Variants in ARL4C observed in about 807,000 individuals in gnomAD.
The protein encoded by ARL4C is ARF like GTPase 4C.
Under a neutral mutation model 12.8 loss-of-function variants are expected in ARL4C, and 5 were observed. The ratio of observed to expected loss-of-function variants is 0.39; its 90% CI spans 0.20 to 0.82. The LOEUF is 0.82. Ranked by LOEUF, ARL4C falls within the 40% of genes least tolerant of loss-of-function variation. The probability of loss-of-function intolerance (pLI) is 0.39; values close to 1 mark genes in which losing one functional copy is unlikely to be tolerated. For synonymous variants in ARL4C, 119 were observed against 119.4 expected, an observed-to-expected ratio of 1.00 and a Z score of 0.02; for missense variants, 148 against 265.2, an observed-to-expected ratio of 0.56 and a Z score of 3.07.
chr2:234,495,920 TCATCCATCCATC>T (rs987125872), intron 1 of ARL4C, 80 bp downstream of exon 1: 3 of 1,607,216 alleles, frequency 1.9e-6, no homozygotes, highest in Non-Finnish European at 2.5e-6. Flanking sequence ...GGGTTCTCGC[TCATCCATCCATC>T]CATCCATCCA....
rs375987721 is a variant in ARL4C at position 234,496,143 on chromosome 2, C to T, written c.444G>A (p.Glu148=). 47 of 1,613,634 alleles carry T rather than the reference C, an allele frequency of 2.9e-5. No homozygotes were observed. The highest frequency in any genetic ancestry group is 1.6e-4 in the Middle Eastern group (1 of 6,084). Reference sequence around the variant, plus strand: ...CGTGATAGGTGGTGGCCGGGATAAGCTCGTGCAGCGCCAGCTGCTTCTCAA... The same window carrying T: ...CGTGATAGGTGGTGGCCGGGATAAGTTCGTGCAGCGCCAGCTGCTTCTCAA... ...AEIEKQLALH[E]LIPATTYHVQ... The change falls in exon 1 of 2, where the codon GAG becomes GAA. Residue 148 remains glutamate, a synonymous_variant. Coordinates refer to ENST00000339728, the MANE Select transcript of ARL4C (RefSeq NM_001282431.2).
intron 1 of ARL4C, 38 bp downstream of exon 1, chr2:234,495,974 C>T (rs1162917576): frequency 6.2e-7 from 1 of 1,608,936 alleles, no homozygotes; most frequent in Non-Finnish European, 8.5e-7. Context: ...TCTTTCTTGA[C>T]GCACTCGCTC....
chr2:234,495,306 C>T lies in ARL4C; in HGVS notation c.*500G>A. The T allele has an allele frequency of 5.8e-6, 1 of 172,346 alleles. No individual in the cohort carries two copies. The highest frequency in any genetic ancestry group is 1.3e-5 in the Non-Finnish European group (1 of 79,442). The allele number at this position is 172,346 out of a possible 1,614,324, so 10.7% of individuals were successfully genotyped here. A position where few individuals can be genotyped will look rare whatever the true frequency, so the allele number is the denominator to read the frequency against. ...CCACAAAGCACCAGGAAAAGGGCAC[C>T]TCCGCGGCCATCCCCAGCCAGGCCA... On this transcript the variant is annotated 3_prime_UTR_variant, in exon 2 of 2. Coordinates refer to ENST00000339728, the MANE Select transcript of ARL4C (RefSeq NM_001282431.2).
At chr2:234,495,907 C>T in intron 1 of ARL4C, 71 bp from the exon 2 acceptor site, 6 of 1,604,964 alleles carry the variant, frequency 3.7e-6, no homozygotes, top group Non-Finnish European at 5.1e-6. Flanking sequence ...TGTTCGCGGG[C>T]GCGGGTTCTC....
chr2:234,496,559 C>A lies in ARL4C; in HGVS notation c.28G>T (p.Ala10Ser). Residue 10 changes from alanine to serine, a missense_variant, in exon 1 of 2, where the codon GCC becomes TCC. Ala to Ser is a moderately conservative substitution (Grantham distance 99, BLOSUM62 1). Transcript: ENST00000339728. ...ATGACGATATGCAGGGACTGGAAGG[C>A]CGAGATGTTAGAGGAGATGTTGCCC... MGNISSNIS[A>S]FQSLHIVMLG... 6.3e-7 allele frequency: 1 copy of A among 1,597,610 alleles called. No homozygotes were observed. The highest frequency in any genetic ancestry group is 8.5e-7 in the Non-Finnish European group (1 of 1,172,542).
chr2:234,495,851 A>G lies in ARL4C; in HGVS notation c.576-15T>C. 6.3e-7 allele frequency: 1 copy of G among 1,599,150 alleles called. No homozygotes were observed. Among genetic ancestry groups the G allele is most frequent in the Non-Finnish European group, 8.5e-7 (1 of 1,179,820 alleles). ...AGTCACCAGTCCTGCATTTGGGTGC[A>G]GAGATTCCGTTTTAAAAATTCGAAG... is the stretch of plus-strand genomic sequence containing the variant. On this transcript the variant is annotated splice_polypyrimidine_tract_variant and intron_variant, in intron 1 of 1. Transcript: ENST00000339728.
Position 234,495,606 on chromosome 2 carries a change from T to C in ARL4C, c.*200A>G. On this transcript the variant is annotated 3_prime_UTR_variant, in exon 2 of 2. Transcript: ENST00000339728. ...CCAGTGGAGGCGGGGCAGCCTGAAC[T>C]TCTGGCCCTGCAGGAGTGGGAAGAA... The C allele has an allele frequency of 1.5e-6, 1 of 665,500 alleles. No individual in the cohort carries two copies. The highest frequency in any genetic ancestry group is 2.6e-6 in the Non-Finnish European group (1 of 387,716). 41.2% of individuals were successfully genotyped at this position (665,500 alleles called of 1,614,324 possible).
rs560638703 is a variant in ARL4C at position 234,493,619 on chromosome 2, C to T, written c.*2187G>A. Reference sequence around the variant, plus strand: ...CAGGGTTTGAACAGTGATCTTGAACCTAAGTATTGTTATCATGAGAAGGTT... The same window carrying T: ...CAGGGTTTGAACAGTGATCTTGAACTTAAGTATTGTTATCATGAGAAGGTT... On this transcript the variant is annotated 3_prime_UTR_variant, in exon 2 of 2. Coordinates refer to ENST00000339728, the MANE Select transcript of ARL4C (RefSeq NM_001282431.2). The T allele has an allele frequency of 7.2e-5, 11 of 152,704 alleles. No individual in the cohort carries two copies. The East Asian group carries it at 2.1e-3, about 29-fold the overall frequency. The allele number at this position is 152,704 out of a possible 1,614,324, so 9.5% of individuals were successfully genotyped here.
At position 234,495,800 on chromosome 2, in the gene ARL4C, G is replaced by A. The variant is rs1023626495; in HGVS notation, c.*6C>T. On this transcript the variant is annotated 3_prime_UTR_variant, in exon 2 of 2. Transcript: ENST00000339728. ...GTGGGGGGCAGGTCGAGAGTAGGCC[G>A]GTAAATCAGACTTCGCAGCTCCTTA... 3 of 1,598,448 alleles carry A rather than the reference G, an allele frequency of 1.9e-6. No homozygotes were observed. Among genetic ancestry groups the A allele is most frequent in the Non-Finnish European group, 2.5e-6 (3 of 1,179,804 alleles).
In ARL4C at chr2:234,496,100, T is replaced by C; in HGVS notation, c.487A>G (p.Ile163Val). The C allele has an allele frequency of 6.2e-7, 1 of 1,613,804 alleles. No homozygotes were observed. The highest frequency in any genetic ancestry group is 1.3e-5 in the African/African-American group (1 of 75,046). The change falls in exon 1 of 2, where the codon ATC becomes GTC. Residue 163 changes from isoleucine (I) to valine (V), a missense_variant. By Grantham distance (29) the Ile-to-Val change is conservative (BLOSUM62 3). Around this residue, in one of 4 missense-constraint regions of ARL4C, gnomAD observed 42 missense variants for 87.4 expected, o/e 0.48. Transcript: ENST00000339728. ...CCCTCGGTGAGGCCCTCGCCGATGA[T>C]GGCGCACGCCGGCTGGACGTGATAG... ...TTYHVQPACA[I>V]IGEGLTEGMD...
Position 234,494,031 on chromosome 2 carries a change from A to G in ARL4C, c.*1775T>C, listed in dbSNP as rs1262828614. On this transcript the variant is annotated 3_prime_UTR_variant, in exon 2 of 2. Coordinates refer to ENST00000339728, the MANE Select transcript of ARL4C (RefSeq NM_001282431.2). ...AATTGGGTTTCAAGCAGGAAGCCAG[A>G]ACTTCTGCCTCTGGTTCTTAAATTA... is the stretch of plus-strand genomic sequence containing the variant. The G allele has an allele frequency of 1.3e-5, 2 of 152,476 alleles. No homozygotes were observed. The highest frequency in any genetic ancestry group is 4.8e-5 in the African/African-American group (2 of 41,472). 9.4% of individuals were successfully genotyped at this position (152,476 alleles called of 1,614,324 possible). A position where few individuals can be genotyped will look rare whatever the true frequency, so the allele number is the denominator to read the frequency against.
At position 234,494,457 on chromosome 2, in the gene ARL4C, C is replaced by T. The variant is rs1177326500; in HGVS notation, c.*1349G>A. On this transcript the variant is annotated 3_prime_UTR_variant, in exon 2 of 2. Transcript: ENST00000339728. ...GTCACACTTTCTTTTATCTCAAGCA[C>T]TCATTGTTGTTTGCATTTGCCCAAA... 6.5e-6 allele frequency: 1 copy of T among 152,676 alleles called. No individual in the cohort carries two copies. Among genetic ancestry groups the T allele is most frequent in the Non-Finnish European group, 1.5e-5 (1 of 68,046 alleles). The allele number at this position is 152,676 out of a possible 1,614,324, so 9.5% of individuals were successfully genotyped here.
Position 234,495,480 on chromosome 2 carries a change from G to T in ARL4C, c.*326C>A, listed in dbSNP as rs1317265942. 3 of 508,864 alleles carry T rather than the reference G, an allele frequency of 5.9e-6. No individual in the cohort carries two copies. The highest frequency in any genetic ancestry group is 1.1e-5 in the Non-Finnish European group (3 of 281,340). 31.5% of individuals were successfully genotyped at this position (508,864 alleles called of 1,614,324 possible). On this transcript the variant is annotated 3_prime_UTR_variant, in exon 2 of 2. Transcript: ENST00000339728. Reference sequence around the variant, plus strand: ...TTACTCAGCTTCACAGCCCCTGAATGCAAGGAGAGGTGGTCCCCCCAGAAC... The same window carrying T: ...TTACTCAGCTTCACAGCCCCTGAATTCAAGGAGAGGTGGTCCCCCCAGAAC...
chr2:234,496,640 C>A lies in ARL4C; in HGVS notation c.-54G>T, dbSNP rs1304238912. The A allele has an allele frequency of 1.5e-6, 2 of 1,346,714 alleles. No individual in the cohort carries two copies. The highest frequency in any genetic ancestry group is 1.8e-5 in the South Asian group (1 of 56,564). 83.4% of individuals were successfully genotyped at this position (1,346,714 alleles called of 1,614,324 possible). On this transcript the variant is annotated 5_prime_UTR_variant, in exon 1 of 2. Transcript: ENST00000339728. ...GGCTGCGGCGGGAGGGCGCCGCCCC[C>A]CGAGCAGTCACGGGCCCGACGCGGC...
chr2:234,495,747 T>G lies in ARL4C; in HGVS notation c.*59A>C. 1.3e-6 allele frequency: 2 copies of G among 1,594,960 alleles called. No individual in the cohort carries two copies. The highest frequency in any genetic ancestry group is 1.7e-6 in the Non-Finnish European group (2 of 1,176,702). On this transcript the variant is annotated 3_prime_UTR_variant, in exon 2 of 2. Transcript: ENST00000339728. ...CCCGACCTGGTCAGTAGCTCTGGCG[T>G]TCAGACAAAAGGTCCCCTGAGCTGG...
At position 234,496,135 on chromosome 2, in the gene ARL4C, G is replaced by A. The variant is rs1470204026; in HGVS notation, c.452C>T (p.Pro151Leu). ...CGGCTGGACGTGATAGGTGGTGGCC[G>A]GGATAAGCTCGTGCAGCGCCAGCTG... ...EKQLALHELI[P>L]ATTYHVQPAC... Residue 151 changes from proline (P) to leucine (L), a missense_variant, in exon 1 of 2, where the codon CCG becomes CTG. By Grantham distance (98) the Pro-to-Leu change is moderately conservative. This residue lies in a region of ARL4C where 42 missense variants were observed against 87.4 expected (regional missense o/e 0.48). Transcript: ENST00000339728. The A allele has an allele frequency of 6.2e-7, 1 of 1,613,648 alleles. No homozygotes were observed.
In ARL4C at chr2:234,495,797, G is replaced by A. The variant is rs765164742; in HGVS notation, c.*9C>T. On this transcript the variant is annotated 3_prime_UTR_variant, in exon 2 of 2. Transcript: ENST00000339728. ...GGGGTGGGGGGCAGGTCGAGAGTAGGCCGGTAAATCAGACTTCGCAGCTCC... is the reference window on the plus strand; with the variant it reads ...GGGGTGGGGGGCAGGTCGAGAGTAGACCGGTAAATCAGACTTCGCAGCTCC... 3.8e-6 allele frequency: 6 copies of A among 1,598,468 alleles called. No homozygotes were observed. The highest frequency in any genetic ancestry group is 5.1e-6 in the Non-Finnish European group (6 of 1,179,814).
chr2:234,495,758 G>A lies in ARL4C; in HGVS notation c.*48C>T, dbSNP rs998861580. ...CAGTAGCTCTGGCGTTCAGACAAAA[G>A]GTCCCCTGAGCTGGGGGTGGGGGGC... On this transcript the variant is annotated 3_prime_UTR_variant, in exon 2 of 2. Transcript: ENST00000339728. 6.3e-7 allele frequency: 1 copy of A among 1,597,202 alleles called. No homozygotes were observed. Among genetic ancestry groups the A allele is most frequent in the East Asian group, 2.2e-5 (1 of 44,878 alleles).
At position 234,495,157 on chromosome 2, in the gene ARL4C, T is replaced by A. The variant is rs1481031851; in HGVS notation, c.*649A>T. ...AGTTCGTCTTTTTTTTTTTTTATTTTTTTTATTTTTATTGGTCTCTTTGTG... is the reference window on the plus strand; with the variant it reads ...AGTTCGTCTTTTTTTTTTTTTATTTATTTTATTTTTATTGGTCTCTTTGTG... On this transcript the variant is annotated 3_prime_UTR_variant, in exon 2 of 2. Transcript: ENST00000339728. The A allele has an allele frequency of 1.6e-4, 24 of 152,666 alleles. No individual in the cohort carries two copies. The East Asian group carries it at 4.6e-3, about 29-fold the overall frequency. 9.5% of individuals were successfully genotyped at this position (152,666 alleles called of 1,614,324 possible). A position where few individuals can be genotyped will look rare whatever the true frequency, so the allele number is the denominator to read the frequency against.
Sources: gnomAD v4.1 joint callset for allele counts on GRCh38, gnomAD v4.1.1 for gene constraint, gnomAD v4.1.1 regional missense constraint, MANE v1.5 for transcripts, NCBI Gene and HGNC (gene_info 2026-07-23, HGNC 2026-07-21) for gene names.